SLC7A6: variants seen among roughly 807,000 people sequenced by gnomAD.
The protein encoded by SLC7A6 is Y+L amino acid transporter 2.
In SLC7A6, 29 loss-of-function variants were observed where a neutral mutation model predicts 46.6. That is an observed-to-expected ratio of 0.62 (90% CI 0.46 to 0.85). The LOEUF (loss-of-function observed/expected upper bound fraction) is 0.85, where lower values mean the gene tolerates loss of function less well. Among genes scored for constraint, SLC7A6 ranks in the 40% least tolerant of loss-of-function variants. The probability of loss-of-function intolerance (pLI) is 0.00; values close to 1 mark genes in which losing one functional copy is unlikely to be tolerated. For missense variants in SLC7A6, 527 were observed against 647.6 expected (o/e 0.81, Z 2.02); for synonymous variants, 276 against 257.3 (o/e 1.07, Z -0.70).
chr16:68,274,606 A>G, intron 2 of SLC7A6, 85 bp from the exon 3 acceptor site: 1 of 1,163,958 alleles, frequency 8.6e-7, no homozygotes, highest in South Asian at 1.5e-5. Flanking sequence ...TGCTGTCCCT[A>G]AATAGGAAGT....
chr16:68,290,806 G>A lies in SLC7A6; in HGVS notation c.794+266G>A, dbSNP rs531610019. ...TCAGTGGGGAGCAGCAGGCCCAGCT[G>A]GGGCAAAGGAATTAGGACCTCGGAC... On this transcript the variant is annotated intron_variant, in intron 5 of 10. Transcript: ENST00000219343. 249 of 515,356 alleles carry A rather than the reference G, an allele frequency of 4.8e-4. 4 individuals carry two copies. The highest frequency in any genetic ancestry group is 2.2e-3 in the Middle Eastern group (4 of 1,846). 31.9% of individuals were successfully genotyped at this position (515,356 alleles called of 1,614,324 possible). A position where few individuals can be genotyped will look rare whatever the true frequency, so the allele number is the denominator to read the frequency against.
intron 3 of SLC7A6, 200 bp from the exon 4 acceptor site, chr16:68,287,546 T>C: frequency 2.8e-6 from 4 of 1,440,954 alleles, no homozygotes; most frequent in South Asian, 2.7e-5. Flanking sequence ...TGAGCACCAG[T>C]AGTGATGGAA....
intron 3 of SLC7A6, among the ~76,000 whole-genome samples, chr16:68,284,901 C>T (rs568755502): frequency 3.4e-5 from 4 of 118,744 alleles, no homozygotes; most frequent in African/African-American, 1.3e-4. Flanking sequence ...CACTCTGTTG[C>T]CCTGGCTGGA....
chr16:68,267,277 G>A (rs1596962654), intron 2 of SLC7A6, among the ~76,000 whole-genome samples: 2 of 144,020 alleles, frequency 1.4e-5, no homozygotes, highest in African/African-American at 5.3e-5. Flanking sequence ...GCAATGGTGC[G>A]ATCTTGGCTC....
At chr16:68,265,397 C>T (rs1242258707) in intron 1 of SLC7A6, 1 of 152,072 alleles carries the variant, frequency 6.6e-6, no homozygotes, top group African/African-American at 2.4e-5. Flanking sequence ...AGGGTGTCGG[C>T]GAACACGTTT....
intron 2 of SLC7A6, chr16:68,274,015 C>T (rs2042666401): frequency 6.6e-6 from 1 of 152,336 alleles, no homozygotes; most frequent in Non-Finnish European, 1.5e-5. Context: ...CCGCCTCGGC[C>T]TCTCAACATG....
chr16:68,296,683 G>GC lies in SLC7A6; in HGVS notation c.1330dup (p.Leu444ProfsTer4). On this transcript the variant is annotated frameshift_variant, in exon 10 of 11. Coordinates refer to ENST00000219343, the MANE Select transcript of SLC7A6 (RefSeq NM_003983.6). LOFTEE classifies it high-confidence loss of function. The stretch of plus-strand genomic sequence containing the variant: ...TATGCTCCGTGTTTCTGGTGATAGT[G>GC]CCCCTCTTCACTGACACCATTAATT... 1 of 1,614,172 alleles carries GC rather than the reference G, an allele frequency of 6.2e-7. No homozygotes were observed. The highest frequency in any genetic ancestry group is 8.5e-7 in the Non-Finnish European group (1 of 1,180,032).
In SLC7A6 at chr16:68,298,538, G is replaced by A. The variant is rs1382201967; in HGVS notation, c.*1210G>A. 1 of 152,324 alleles carries A rather than the reference G, an allele frequency of 6.6e-6. No homozygotes were observed. The highest frequency in any genetic ancestry group is 2.4e-5 in the African/African-American group (1 of 41,468). 9.4% of individuals were successfully genotyped at this position (152,324 alleles called of 1,614,324 possible). On this transcript the variant is annotated 3_prime_UTR_variant, in exon 11 of 11. Coordinates refer to ENST00000219343, the MANE Select transcript of SLC7A6 (RefSeq NM_003983.6). ...CCTTGGTGTGGGTCACCGGGACAGT[G>A]TACTCCTCTCCTGCCAGCCTCCCCT... is the stretch of plus-strand genomic sequence containing the variant.
At chr16:68,287,683 G>A in intron 3 of SLC7A6, 63 bp from the exon 4 acceptor site, 4 of 1,585,198 alleles carry the variant, frequency 2.5e-6, no homozygotes, top group South Asian at 1.2e-5. Context: ...TCTCTGTAAA[G>A]AGGGGTTGGG....
chr16:68,280,604 C>A (rs201221890), intron 3 of SLC7A6, among the ~76,000 whole-genome samples: 1 of 151,226 alleles, frequency 6.6e-6, no homozygotes, highest in Non-Finnish European at 1.5e-5. Flanking sequence ...AAAAAAATTT[C>A]TTTTTTGTTT....
chr16:68,291,862 GT>G (rs2043061214), intron 7 of SLC7A6: 1 of 560,472 alleles, frequency 1.8e-6, no homozygotes, highest in Non-Finnish European at 3.2e-6. Context: ...GGTAGCTCAT[GT>G]TTCCATCTGA....
At chr16:68,277,603 G>A (rs374056268) in intron 3 of SLC7A6, among the ~76,000 whole-genome samples, 3 of 151,550 alleles carry the variant, frequency 2.0e-5, no homozygotes, top group Non-Finnish European at 2.9e-5. Flanking sequence ...GAGCCACGGC[G>A]CCCGGCCTTG....
chr16:68,289,872 C>CTG lies in SLC7A6; in HGVS notation c.650-523_650-522dup, dbSNP rs144540750. On this transcript the variant is annotated intron_variant, in intron 4 of 10. Coordinates refer to ENST00000219343, the MANE Select transcript of SLC7A6 (RefSeq NM_003983.6). ...GCAGCATAGAGTCCTTCCCATGAGGCTGATAAACCCATTGACCAAATTGTG... is the reference window on the plus strand; with the variant it reads ...GCAGCATAGAGTCCTTCCCATGAGGCTGTGATAAACCCATTGACCAAATTGTG... Among the ~76,000 whole-genome samples, 612 of 152,298 alleles carry CTG rather than the reference C, an allele frequency of 4.0e-3. 3 individuals carry two copies. The highest frequency in any genetic ancestry group is 0.014 in the African/African-American group (572 of 41,564).
chr16:68,283,995 T>C (rs1296231063), intron 3 of SLC7A6, among the ~76,000 whole-genome samples: 1 of 152,136 alleles, frequency 6.6e-6, no homozygotes, highest in Non-Finnish European at 1.5e-5. Context: ...ACTTGGCTTC[T>C]GCTTGACAGA....
rs1338576033 is a variant in SLC7A6 at position 68,301,301 on chromosome 16, T to C, written c.*3973T>C. ...CAGTCTGAATCCAGGTCGTGGGGGCTGTCATAGCCGAACTCCTTCTGCACA... is the reference window on the plus strand; with the variant it reads ...CAGTCTGAATCCAGGTCGTGGGGGCCGTCATAGCCGAACTCCTTCTGCACA... On this transcript the variant is annotated 3_prime_UTR_variant, in exon 11 of 11. Transcript: ENST00000219343. 28 of 1,614,110 alleles carry C rather than the reference T, an allele frequency of 1.7e-5. 1 individual carries two copies. In the Middle Eastern group the frequency reaches 1.2e-3, roughly 67 times the overall value.
At chr16:68,282,569 ATGTCTTGTAGT>A (rs914210628) in intron 3 of SLC7A6, among the ~76,000 whole-genome samples, 4 of 151,740 alleles carry the variant, frequency 2.6e-5, no homozygotes, top group Non-Finnish European at 2.9e-5. Context: ...TCACTCCTGA[ATGTCTTGTAGT>A]TGTCCCCTCC....
chr16:68,277,602 C>T (rs188519735), intron 3 of SLC7A6, among the ~76,000 whole-genome samples: 1,822 of 150,164 alleles, frequency 0.012, 37 homozygotes, highest in African/African-American at 0.039. Context: ...TGAGCCACGG[C>T]GCCCGGCCTT....
intron 10 of SLC7A6, 49 bp downstream of exon 10, chr16:68,296,859 G>A (rs758103278): frequency 1.2e-5 from 19 of 1,591,588 alleles, no homozygotes; most frequent in African/African-American, 5.4e-5. Flanking sequence ...GTGTGCATGC[G>A]CATGCAGAGG....
At chr16:68,272,612 C>T (rs1399559556) in intron 2 of SLC7A6, among the ~76,000 whole-genome samples, 1 of 152,140 alleles carries the variant, frequency 6.6e-6, no homozygotes, top group Non-Finnish European at 1.5e-5. Context: ...TGACTGTGCC[C>T]CACCTCTCTA....
Sources: allele counts gnomAD v4.1 joint callset (sites outside exome capture counted in the v4.1 genomes callset), GRCh38; gene constraint gnomAD v4.1.1; transcripts MANE v1.5; gene names NCBI Gene and HGNC (gene_info 2026-07-23, HGNC 2026-07-21).